RANBP2: variants seen among roughly 807,000 people sequenced by gnomAD.
RANBP2 encodes the protein RAN binding protein 2.
Under a neutral mutation model 303.6 loss-of-function variants are expected in RANBP2, and 57 were observed. The observed-to-expected ratio is 0.19, with a 90% CI of 0.15 to 0.23. RANBP2 has a LOEUF of 0.23. RANBP2 is among the 10% of genes least tolerant of loss of function. RANBP2 has a pLI of 1.00. For synonymous variants in RANBP2, 1,167 were observed against 1,301.5 expected, an observed-to-expected ratio of 0.90 and a Z score of 2.23; for missense variants, 3,138 against 3,780.8, an observed-to-expected ratio of 0.83 and a Z score of 4.46.
At chr2:108,989,921 A>G in the RANBP2 span, among the ~76,000 whole-genome samples, 1 of 152,150 alleles carries the variant, frequency 6.6e-6, no homozygotes, top group Non-Finnish European at 1.5e-5. Context: ...TCCAGGCTAG[A>G]TTTCTGTGTT....
the RANBP2 span, among the ~76,000 whole-genome samples, chr2:108,858,162 G>A: frequency 3.3e-5 from 5 of 152,276 alleles, no homozygotes; most frequent in Non-Finnish European, 7.4e-5. Context: ...TGGCCAACAC[G>A]GTGAAACCCC....
intron 1 of RANBP2, among the ~76,000 whole-genome samples, chr2:108,720,874 C>T (rs139951066): frequency 0.013 from 1,933 of 152,208 alleles, 51 homozygotes; most frequent in African/African-American, 0.045. Flanking sequence ...GTTGATACCT[C>T]GTCTCTACTA....
chr2:109,421,505 C>T, the RANBP2 span, among the ~76,000 whole-genome samples: 5 of 152,246 alleles, frequency 3.3e-5, no homozygotes. Context: ...TGTGAATATT[C>T]TGGAGGCCTC....
the RANBP2 span, among the ~76,000 whole-genome samples, chr2:109,670,532 T>C: frequency 6.6e-6 from 1 of 152,122 alleles, no homozygotes; most frequent in African/African-American, 2.4e-5. Context: ...GGGACTGCAC[T>C]GCCAGTGGCG....
At chr2:108,782,019 T>G in intron 26 of RANBP2, 109 bp from the exon 27 acceptor site, 2 of 1,288,792 alleles carry the variant, frequency 1.6e-6, no homozygotes, top group African/African-American at 3.0e-5. Flanking sequence ...ATTAACAAAT[T>G]CTCTTTGTCA....
chr2:108,846,959 T>C, the RANBP2 span: 1 of 1,252,426 alleles, frequency 8.0e-7, no homozygotes, highest in Non-Finnish European at 1.2e-6. Context: ...TTATGGTTAA[T>C]TTTGAGAAAC....
chr2:109,678,361 TGCTCCCTGCAGGGACCCTTC>T, the RANBP2 span, among the ~76,000 whole-genome samples: 1 of 152,254 alleles, frequency 6.6e-6, no homozygotes, highest in East Asian at 1.9e-4. Context: ...GCCTGCCTTC[TGCTCCCTGCAGGGACCCTTC>T]GCTTAGCTGT....
the RANBP2 span, chr2:109,567,971 G>A: frequency 6.3e-7 from 1 of 1,589,788 alleles, no homozygotes; most frequent in East Asian, 2.2e-5. Flanking sequence ...CTGGTATAAT[G>A]TTTACCTATT....
the RANBP2 span, among the ~76,000 whole-genome samples, chr2:109,647,626 G>T: frequency 6.6e-6 from 1 of 151,880 alleles, no homozygotes; most frequent in South Asian, 2.1e-4. Flanking sequence ...CTGACACCAT[G>T]CCCAGCTAAT....
chr2:109,642,449 A>G, the RANBP2 span, among the ~76,000 whole-genome samples: 2 of 152,172 alleles, frequency 1.3e-5, no homozygotes, highest in Non-Finnish European at 2.9e-5. Flanking sequence ...TCATGTGCAC[A>G]TAGAAAGGTA....
At chr2:109,096,058 A>AT in the RANBP2 span, among the ~76,000 whole-genome samples, 2 of 152,034 alleles carry the variant, frequency 1.3e-5, no homozygotes, top group African/African-American at 4.8e-5. Context: ...TTGAGGTACC[A>AT]TTTTAACTAA....
At chr2:109,009,104 C>G in the RANBP2 span, among the ~76,000 whole-genome samples, 1 of 151,726 alleles carries the variant, frequency 6.6e-6, no homozygotes, top group Non-Finnish European at 1.5e-5. Flanking sequence ...CTTTGGGAGG[C>G]CGAGGTGGGC....
At chr2:109,002,116 C>T in the RANBP2 span, among the ~76,000 whole-genome samples, 1 of 152,194 alleles carries the variant, frequency 6.6e-6, no homozygotes. Context: ...CCTTGTGTCC[C>T]ATGGCTGCAC....
chr2:109,715,219 G>A, the RANBP2 span, among the ~76,000 whole-genome samples: 4 of 151,924 alleles, frequency 2.6e-5, no homozygotes, highest in Non-Finnish European at 4.4e-5. Flanking sequence ...CACCCACCTC[G>A]GCCTCCCAAA....
the RANBP2 span, among the ~76,000 whole-genome samples, chr2:109,205,415 G>GT: frequency 2.5e-4 from 38 of 151,780 alleles, no homozygotes; most frequent in Admixed American, 2.5e-3. Context: ...TTTTGTTTTT[G>GT]TTTTTTGTAT....
At chr2:109,124,066 G>A in the RANBP2 span, among the ~76,000 whole-genome samples, 28 of 151,620 alleles carry the variant, frequency 1.8e-4, no homozygotes, top group Non-Finnish European at 1.0e-4. Context: ...GCTAGAGTAC[G>A]GTGGCACAAT....
chr2:109,372,395 C>T, the RANBP2 span, among the ~76,000 whole-genome samples: 1 of 152,188 alleles, frequency 6.6e-6, no homozygotes, highest in African/African-American at 2.4e-5. Context: ...CAGTGCAAGG[C>T]CACATGTGCA....
chr2:109,155,427 C>G, the RANBP2 span, among the ~76,000 whole-genome samples: 1 of 152,118 alleles, frequency 6.6e-6, no homozygotes, highest in Non-Finnish European at 1.5e-5. Context: ...CTCGGCCTCC[C>G]GAGTAGCTGG....
the RANBP2 span, chr2:109,432,599 G>T: frequency 1.8e-4 from 283 of 1,613,278 alleles, no homozygotes; most frequent in Admixed American, 3.3e-5. Flanking sequence ...CAGGATGGCT[G>T]GTTCAAGGGG....
Sources: gnomAD v4.1 joint callset for allele counts (sites outside exome capture counted in the v4.1 genomes callset) on GRCh38, gnomAD v4.1.1 for gene constraint, MANE v1.5 for transcripts, NCBI Gene and HGNC (gene_info 2026-07-23, HGNC 2026-07-21) for gene names.